Variants in KLHL1 observed in about 807,000 individuals in gnomAD.
KLHL1 encodes the protein kelch-like protein 1.
Under a neutral mutation model 77.7 loss-of-function variants are expected in KLHL1, and 47 were observed. The ratio of observed to expected loss-of-function variants is 0.60; its 90% CI spans 0.48 to 0.77. The LOEUF (loss-of-function observed/expected upper bound fraction) is 0.77. KLHL1 is among the 30% of genes least tolerant of loss of function. The probability of loss-of-function intolerance (pLI) is 0.00; values close to 1 mark genes in which losing one functional copy is unlikely to be tolerated. For synonymous variants in KLHL1, 360 were observed against 325.2 expected (o/e 1.11, Z -1.15); for missense variants, 925 against 910.8 (o/e 1.02, Z -0.20).
At chr13:70,053,138 T>C (rs183171933) in intron 1 of KLHL1, among the ~76,000 whole-genome samples, 276 of 152,078 alleles carry the variant, frequency 1.8e-3, no homozygotes, top group African/African-American at 6.3e-3. Flanking sequence ...TTAAGTGTAG[T>C]CTTAAAAGAA....
chr13:69,953,300 A>C (rs1240706304), intron 3 of KLHL1, among the ~76,000 whole-genome samples: 1 of 151,240 alleles, frequency 6.6e-6, no homozygotes, highest in Non-Finnish European at 1.5e-5. Flanking sequence ...CAACAATATT[A>C]ATTGTAAGAA....
At chr13:69,823,531 T>TAC (rs1423569493) in intron 6 of KLHL1, among the ~76,000 whole-genome samples, 1 of 152,054 alleles carries the variant, frequency 6.6e-6, no homozygotes, top group South Asian at 2.1e-4. Flanking sequence ...TAGATGTATA[T>TAC]ACACACACAT....
chr13:69,985,845 TAG>T (rs1162599417), intron 1 of KLHL1, among the ~76,000 whole-genome samples: 3 of 118,832 alleles, frequency 2.5e-5, no homozygotes, highest in African/African-American at 1.1e-4. Flanking sequence ...TGTGTGTGTA[TAG>T]ATATATATAT....
chr13:69,950,339 G>T (rs1373957901), intron 3 of KLHL1, among the ~76,000 whole-genome samples: 2 of 147,708 alleles, frequency 1.4e-5, no homozygotes, highest in Non-Finnish European at 3.0e-5. Context: ...AAGAGAACAA[G>T]GAATTGTTTT....
intron 4 of KLHL1, among the ~76,000 whole-genome samples, chr13:69,899,643 A>T (rs1356571019): frequency 6.6e-6 from 1 of 152,176 alleles, no homozygotes; most frequent in African/African-American, 2.4e-5. Context: ...AGACGGCCTT[A>T]GTTAGGAACA....
chr13:69,737,387 C>G (rs998065151), intron 8 of KLHL1, among the ~76,000 whole-genome samples: 2 of 152,236 alleles, frequency 1.3e-5, no homozygotes, highest in Non-Finnish European at 2.9e-5. Context: ...TGCCAGGGAG[C>G]CAAGTGGCCT....
At chr13:70,051,222 A>T (rs1259645567) in intron 1 of KLHL1, among the ~76,000 whole-genome samples, 2 of 151,988 alleles carry the variant, frequency 1.3e-5, no homozygotes. Context: ...GATTTTATGA[A>T]ATTTTATTTA....
chr13:70,072,761 G>A (rs539871673), intron 1 of KLHL1, among the ~76,000 whole-genome samples: 50 of 152,104 alleles, frequency 3.3e-4, no homozygotes, highest in African/African-American at 9.9e-4. Flanking sequence ...TGATAAAAGT[G>A]CTCAGCTGGT....
chr13:69,870,095 C>T (rs1455302083), intron 5 of KLHL1, among the ~76,000 whole-genome samples: 2 of 152,078 alleles, frequency 1.3e-5, no homozygotes, highest in African/African-American at 4.8e-5. Flanking sequence ...CAAAGAATAC[C>T]TGAGACTGTG....
At chr13:69,844,264 ATAAAATAAAAT>A (rs1879373844) in intron 5 of KLHL1, among the ~76,000 whole-genome samples, 1 of 151,640 alleles carries the variant, frequency 6.6e-6, no homozygotes, top group Admixed American at 6.6e-5. Flanking sequence ...ATAAATAAGA[ATAAAATAAAAT>A]GAAAATAAAA....
chr13:69,712,281 TCTC>T (rs1875912448), intron 9 of KLHL1, among the ~76,000 whole-genome samples: 1 of 151,516 alleles, frequency 6.6e-6, no homozygotes, highest in Non-Finnish European at 1.5e-5. Flanking sequence ...TTTAAGGCGA[TCTC>T]CTGTGTTGTA....
intron 6 of KLHL1, among the ~76,000 whole-genome samples, chr13:69,805,485 C>A (rs1234406529): frequency 6.6e-6 from 1 of 151,508 alleles, no homozygotes; most frequent in Non-Finnish European, 1.5e-5. Flanking sequence ...AAAATTTTTA[C>A]CTTTAAAATC....
intron 4 of KLHL1, among the ~76,000 whole-genome samples, chr13:69,937,391 T>C (rs188222930): frequency 6.6e-6 from 1 of 152,294 alleles, no homozygotes; most frequent in East Asian, 1.9e-4. Context: ...TATTCTGGCA[T>C]AGGCAGCCAT....
At chr13:69,760,975 C>A (rs565528176) in intron 7 of KLHL1, among the ~76,000 whole-genome samples, 1 of 152,198 alleles carries the variant, frequency 6.6e-6, no homozygotes, top group South Asian at 2.1e-4. Flanking sequence ...CAGAATCTCC[C>A]ATTGTTGCCA....
chr13:70,070,666 G>C (rs1887117539), intron 1 of KLHL1, among the ~76,000 whole-genome samples: 1 of 152,026 alleles, frequency 6.6e-6, no homozygotes, highest in Admixed American at 6.6e-5. Flanking sequence ...CCTACATATA[G>C]AAAGGAAGAA....
intron 6 of KLHL1, among the ~76,000 whole-genome samples, chr13:69,822,197 C>CAAAAAAAAA (rs35346749): frequency 1.5e-4 from 12 of 78,380 alleles, no homozygotes; most frequent in African/African-American, 5.5e-4. Flanking sequence ...GACTCCATCT[C>CAAAAAAAAA]AAAAAAAAAA....
intron 1 of KLHL1, among the ~76,000 whole-genome samples, chr13:70,044,738 T>G (rs1433935067): frequency 6.6e-6 from 1 of 152,202 alleles, no homozygotes; most frequent in Non-Finnish European, 1.5e-5. Flanking sequence ...ACTTAGTACT[T>G]TAATTTGTAA....
intron 6 of KLHL1, among the ~76,000 whole-genome samples, chr13:69,800,212 C>T (rs1877314313): frequency 6.6e-6 from 1 of 152,146 alleles, no homozygotes; most frequent in Non-Finnish European, 1.5e-5. Context: ...TGGGCTCATA[C>T]CAGTTTAATC....
At chr13:69,929,839 C>A (rs1320608321) in intron 4 of KLHL1, among the ~76,000 whole-genome samples, 1 of 151,720 alleles carries the variant, frequency 6.6e-6, no homozygotes, top group Non-Finnish European at 1.5e-5. Flanking sequence ...CTAAATAAAA[C>A]AATGGCAACT....
Sources: allele counts gnomAD v4.1 joint callset (sites outside exome capture counted in the v4.1 genomes callset), GRCh38; gene constraint gnomAD v4.1.1; transcripts MANE v1.5; gene names NCBI Gene and HGNC (gene_info 2026-07-23, HGNC 2026-07-21).